The following PDCD6 variants were observed in gnomAD, a reference collection of about 807,000 sequenced individuals.
The protein encoded by PDCD6 is programmed cell death 6.
PDCD6 carries 12 observed loss-of-function variants against 28.3 expected under a neutral mutation model. The observed-to-expected ratio is 0.42, with a 90% CI of 0.27 to 0.69. PDCD6 has a LOEUF of 0.69. Ranked by LOEUF, PDCD6 falls within the 30% of genes least tolerant of loss-of-function variation. The pLI is 0.22. For synonymous variants in PDCD6, 92 were observed against 108.0 expected (o/e 0.85, Z 0.92); for missense variants, 226 against 269.9 (o/e 0.84, Z 1.14).
At chr5:310,585 T>A (rs1375094522) in intron 4 of PDCD6, 2 of 152,404 alleles carry the variant, frequency 1.3e-5, no homozygotes, top group African/African-American at 4.8e-5. Flanking sequence ...CGAACACACC[T>A]GCTGCATCCA....
At chr5:300,371 T>C (rs1430434561) in intron 2 of PDCD6, among the ~76,000 whole-genome samples, 1 of 152,224 alleles carries the variant, frequency 6.6e-6, no homozygotes, top group Admixed American at 6.5e-5. Flanking sequence ...CCTGTGTGAC[T>C]CCGCTGGGAG....
chr5:300,404 C>G (rs1008476498), intron 2 of PDCD6, among the ~76,000 whole-genome samples: 11 of 152,222 alleles, frequency 7.2e-5, no homozygotes, highest in Non-Finnish European at 1.6e-4. Context: ...CGCCTGGCTT[C>G]CCTGGCAGCC....
At position 314,488 on chromosome 5, in the gene PDCD6, C is replaced by G; in HGVS notation, c.549C>G (p.Tyr183Ter). Residue 183 changes from tyrosine to a stop codon, truncating the protein, a stop_gained, in exon 6 of 6, where the codon TAC (tyrosine) becomes TAG (stop). Transcript: ENST00000264933. LOFTEE classifies it high-confidence loss of function. ...GGATTCAGGTGTCGTACGAACAGTA[C>G]CTGTCCATGGTCTTCAGTATCGTAT... is the stretch of plus-strand genomic sequence containing the variant. ...DGWIQVSYEQ[Y>*]LSMVFSIV is the part of the protein sequence containing the mutation. 6.2e-7 allele frequency: 1 copy of G among 1,613,440 alleles called. No homozygotes were observed. Among genetic ancestry groups the G allele is most frequent in the Non-Finnish European group, 8.5e-7 (1 of 1,179,564 alleles).
intron 4 of PDCD6, chr5:308,256 G>T (rs2126773100): frequency 6.6e-6 from 1 of 152,362 alleles, no homozygotes; most frequent in East Asian, 1.9e-4. Flanking sequence ...GTGACCATCG[G>T]TCCTCAGAAT....
intron 2 of PDCD6, among the ~76,000 whole-genome samples, chr5:294,766 T>C (rs1487144907): frequency 5.3e-5 from 8 of 152,178 alleles, no homozygotes; most frequent in Non-Finnish European, 1.0e-4. Flanking sequence ...CATTCCTCAT[T>C]GCCAATAACT....
intron 5 of PDCD6, chr5:311,773 C>G (rs1740936013): frequency 8.8e-6 from 2 of 227,608 alleles, no homozygotes; most frequent in Admixed American, 1.2e-4. Flanking sequence ...GGCTCACTCC[C>G]ACCTCTGCGT....
rs536370896 is a variant in PDCD6, at chr5:294,143, G to A, written c.164-10034G>A. Among the ~76,000 whole-genome samples, 15 of 151,602 alleles carry A rather than the reference G, an allele frequency of 9.9e-5. No homozygotes were observed. The East Asian group carries it at 1.9e-3, about 20-fold the overall frequency. On this transcript the variant is annotated intron_variant, in intron 2 of 5. Coordinates refer to ENST00000264933, the MANE Select transcript of PDCD6 (RefSeq NM_013232.4). ...AAATTTGTATGGCCTGGGGTTGGGCGAAAAGTTCTTAGACATGACACCAAA... is the reference window on the plus strand; with the variant it reads ...AAATTTGTATGGCCTGGGGTTGGGCAAAAAGTTCTTAGACATGACACCAAA...
chr5:306,896 C>CA (rs1235985819), intron 4 of PDCD6, 136 bp downstream of exon 4: 14 of 823,022 alleles, frequency 1.7e-5, no homozygotes. Flanking sequence ...CATGCAGGTT[C>CA]ATATTTGATA....
chr5:284,668 A>G (rs1206831421), intron 2 of PDCD6, among the ~76,000 whole-genome samples: 1 of 92,652 alleles, frequency 1.1e-5, no homozygotes, highest in Admixed American at 1.1e-4. Flanking sequence ...GCGGGAGCTG[A>G]TGTTCCAGTT....
At chr5:288,976 C>G in intron 2 of PDCD6, 1 of 1,357,800 alleles carries the variant, frequency 7.4e-7, no homozygotes, top group Non-Finnish European at 1.1e-6. Flanking sequence ...CCACTACTTT[C>G]AGGGCCTTCG....
chr5:300,484 T>G (rs1174033688), intron 2 of PDCD6, among the ~76,000 whole-genome samples: 1 of 152,246 alleles, frequency 6.6e-6, no homozygotes, highest in Non-Finnish European at 1.5e-5. Flanking sequence ...CCATGCAGTC[T>G]TTCGTGCTTT....
intron 3 of PDCD6, 195 bp from the exon 4 acceptor site, chr5:306,407 C>T (rs1740485117): frequency 1.7e-6 from 1 of 588,296 alleles, no homozygotes; most frequent in Non-Finnish European, 3.1e-6. Flanking sequence ...ATCCCCCACA[C>T]CCCCACCCAG....
At chr5:289,346 A>C (rs1363574355) in intron 2 of PDCD6, 11 of 558,106 alleles carry the variant, frequency 2.0e-5, no homozygotes, top group Non-Finnish European at 3.3e-5. Context: ...CTTTCACGAA[A>C]GCAATGAATA....
At chr5:289,025 T>C in intron 2 of PDCD6, 5 of 1,263,290 alleles carry the variant, frequency 4.0e-6, no homozygotes, top group Admixed American at 1.7e-5. Flanking sequence ...CTTTCTCAGC[T>C]TGAGACACAT....
intron 2 of PDCD6, chr5:273,180 T>C (rs774361348): frequency 3.1e-5 from 6 of 194,480 alleles, no homozygotes; most frequent in Non-Finnish European, 5.5e-5. Flanking sequence ...GTTGGAGGGC[T>C]TGGGGAGCTC....
chr5:300,219 A>G (rs1256693089), intron 2 of PDCD6, among the ~76,000 whole-genome samples: 1 of 152,228 alleles, frequency 6.6e-6, no homozygotes, highest in African/African-American at 2.4e-5. Flanking sequence ...GTAGTTGACC[A>G]ACAAGGTGAT....
intron 2 of PDCD6, among the ~76,000 whole-genome samples, chr5:296,918 C>T (rs1220515093): frequency 6.6e-6 from 1 of 152,042 alleles, no homozygotes; most frequent in Non-Finnish European, 1.5e-5. Context: ...CCACCACCTC[C>T]ACCAGACCCA....
At chr5:272,939 C>T (rs1253591709) in intron 2 of PDCD6, 167 bp downstream of exon 2, 14 of 1,289,130 alleles carry the variant, frequency 1.1e-5, no homozygotes, top group Non-Finnish European at 1.5e-5. Context: ...TTTGTGGCTA[C>T]CGCTGTTACT....
At chr5:276,487 G>A in intron 2 of PDCD6, 1 of 982,318 alleles carries the variant, frequency 1.0e-6, no homozygotes, top group Non-Finnish European at 1.2e-6. Flanking sequence ...AAAAATTAGA[G>A]ATGGAGTCTC....
Sources: allele counts gnomAD v4.1 joint callset (sites outside exome capture counted in the v4.1 genomes callset), GRCh38; gene constraint gnomAD v4.1.1; transcripts MANE v1.5; gene names NCBI Gene and HGNC (gene_info 2026-07-23, HGNC 2026-07-21).